MYO1E: variants seen among roughly 807,000 people sequenced by gnomAD.
The protein encoded by MYO1E is myosin IE.
MYO1E carries 68 observed loss-of-function variants against 151.1 expected under a neutral mutation model. That is an observed-to-expected ratio of 0.45 (90% CI 0.37 to 0.55). MYO1E has a LOEUF of 0.55. Among genes scored for constraint, MYO1E ranks in the 20% least tolerant of loss-of-function variants. The probability of loss-of-function intolerance (pLI) is 0.00; values close to 1 mark genes in which losing one functional copy is unlikely to be tolerated. For missense variants in MYO1E, 1,363 were observed against 1,389.3 expected (o/e 0.98, Z 0.30); for synonymous variants, 601 against 501.7 (o/e 1.20, Z -2.64).
chr15:59,195,645 C>T, intron 16 of MYO1E, 78 bp from the exon 17 acceptor site: 2 of 1,288,456 alleles, frequency 1.6e-6, no homozygotes, highest in South Asian at 2.4e-5. Flanking sequence ...TTGTAAAACT[C>T]TCTTGTAGAA....
At chr15:59,217,245 T>C (rs1424611566) in intron 10 of MYO1E, among the ~76,000 whole-genome samples, 2 of 152,170 alleles carry the variant, frequency 1.3e-5, no homozygotes, top group East Asian at 3.8e-4. Flanking sequence ...AACATAGAAA[T>C]ATGTGAAAAA....
intron 5 of MYO1E, among the ~76,000 whole-genome samples, chr15:59,236,350 A>AAC (rs2080063365): frequency 1.4e-4 from 1 of 7,270 alleles, no homozygotes. Context: ...TGTCTCAAAA[A>AAC]AGAAAAAAAA....
chr15:59,258,373 A>G (rs772143073), intron 3 of MYO1E, among the ~76,000 whole-genome samples: 3 of 152,170 alleles, frequency 2.0e-5, no homozygotes, highest in Non-Finnish European at 4.4e-5. Context: ...AAAAAAATAT[A>G]TATCTAGAAA....
chr15:59,292,057 T>C (rs1000802818), intron 1 of MYO1E, among the ~76,000 whole-genome samples: 1 of 152,250 alleles, frequency 6.6e-6, no homozygotes, highest in Non-Finnish European at 1.5e-5. Context: ...CCCAACACTC[T>C]CTAGATTTAA....
rs530337691 is a variant in MYO1E, at chr15:59,241,481, C to A, written c.333-4809G>T. 2.0e-5 allele frequency among the ~76,000 whole-genome samples: 3 copies of A among 152,302 alleles called. No individual in the cohort carries two copies. In the East Asian group the frequency reaches 5.8e-4, roughly 29 times the overall value. On this transcript the variant is annotated intron_variant, in intron 4 of 27. Transcript: ENST00000288235. Reference sequence around the variant, plus strand: ...CCAAGGCGGGTGGATCACCTTAAGTCAGGAGTTCAAGAGCAGCAAGAGCAG... The same window carrying A: ...CCAAGGCGGGTGGATCACCTTAAGTAAGGAGTTCAAGAGCAGCAAGAGCAG...
intron 26 of MYO1E, among the ~76,000 whole-genome samples, chr15:59,151,819 G>A (rs7181295): frequency 0.3 from 45,805 of 151,856 alleles, 6,952 homozygotes; most frequent in East Asian, 0.42. Context: ...AGGCCAAGGC[G>A]GGTGGATCAC....
At chr15:59,296,831 A>G (rs1373612394) in intron 1 of MYO1E, among the ~76,000 whole-genome samples, 1 of 144,712 alleles carries the variant, frequency 6.9e-6, no homozygotes, top group Non-Finnish European at 1.5e-5. Context: ...GAATTCACAT[A>G]CTTTTTTCTT....
intron 26 of MYO1E, among the ~76,000 whole-genome samples, chr15:59,151,935 G>C (rs1475492295): frequency 6.6e-6 from 1 of 151,450 alleles, no homozygotes; most frequent in Non-Finnish European, 1.5e-5. Flanking sequence ...GGGCATGGTG[G>C]CAGGCGCCTG....
intron 1 of MYO1E, among the ~76,000 whole-genome samples, chr15:59,290,522 T>C (rs1287130964): frequency 1.3e-5 from 2 of 152,178 alleles, no homozygotes; most frequent in African/African-American, 4.8e-5. Flanking sequence ...CTTGAAAGCA[T>C]GCCTCGTAGC....
intron 5 of MYO1E, among the ~76,000 whole-genome samples, chr15:59,234,302 A>G (rs1282689810): frequency 6.6e-6 from 1 of 152,142 alleles, no homozygotes; most frequent in Non-Finnish European, 1.5e-5. Context: ...GGATGGATGG[A>G]TCCATAAATA....
chr15:59,186,973 A>C (rs1260257655), intron 18 of MYO1E, among the ~76,000 whole-genome samples: 1 of 152,252 alleles, frequency 6.6e-6, no homozygotes, highest in Non-Finnish European at 1.5e-5. Context: ...GGGATATATA[A>C]AAATAAGTTT....
At position 59,141,597 on chromosome 15, in the gene MYO1E, G is replaced by A. The variant is rs908726969; in HGVS notation, c.3081-3230C>T. On this transcript the variant is annotated intron_variant, in intron 26 of 27. Transcript: ENST00000288235. The stretch of plus-strand genomic sequence containing the variant: ...GTGGATCACCTGAAGTCAGGAGTTC[G>A]AGACCAGCCTGGCCAACATGGCGAA... Among the ~76,000 whole-genome samples, 6 of 152,080 alleles carry A rather than the reference G, an allele frequency of 3.9e-5. No individual in the cohort carries two copies. In the South Asian group the frequency reaches 8.3e-4, roughly 21 times the overall value.
chr15:59,143,782 G>A (rs1265120154), intron 26 of MYO1E, among the ~76,000 whole-genome samples: 2 of 152,340 alleles, frequency 1.3e-5, no homozygotes, highest in Admixed American at 6.5e-5. Context: ...GCAGCCACAT[G>A]GAATCTTTCT....
At chr15:59,228,780 G>A (rs1257171679) in intron 6 of MYO1E, among the ~76,000 whole-genome samples, 1 of 152,168 alleles carries the variant, frequency 6.6e-6, no homozygotes, top group Non-Finnish European at 1.5e-5. Flanking sequence ...TTTTATGTCT[G>A]TGACTGGAGC....
In MYO1E at chr15:59,297,132, G is replaced by A. The variant is rs112774720; in HGVS notation, c.4-24683C>T. On this transcript the variant is annotated intron_variant, in intron 1 of 27. Transcript: ENST00000288235. ...CTCCCAAAGTGTTGGGATTACGGGC[G>A]CGAGCCACCGCACCCGGCCAGGAAA... Among the ~76,000 whole-genome samples, 1,407 of 150,554 alleles carry A rather than the reference G, an allele frequency of 9.3e-3. 18 individuals are homozygous for A. Among genetic ancestry groups the A allele is most frequent in the Non-Finnish European group, 0.011 (721 of 67,604 alleles).
intron 1 of MYO1E, among the ~76,000 whole-genome samples, chr15:59,308,371 A>C (rs532569284): frequency 7.9e-5 from 12 of 151,642 alleles, no homozygotes; most frequent in African/African-American, 2.7e-4. Flanking sequence ...CCTCATCTCT[A>C]CTAAAAATAC....
At chr15:59,165,001 G>C (rs2079556103) in intron 22 of MYO1E, among the ~76,000 whole-genome samples, 1 of 152,182 alleles carries the variant, frequency 6.6e-6, no homozygotes, top group Non-Finnish European at 1.5e-5. Flanking sequence ...ATTCTCCCAT[G>C]TGAGGACACA....
At chr15:59,294,584 A>G (rs886807289) in intron 1 of MYO1E, among the ~76,000 whole-genome samples, 13 of 152,178 alleles carry the variant, frequency 8.5e-5, no homozygotes, top group Non-Finnish European at 1.5e-4. Context: ...TCAATTGTCA[A>G]TGGCAGCCAC....
rs185350608 is a variant in MYO1E at position 59,154,003 on chromosome 15, G to C, written c.2879-212C>G. ...TTCCCCATCACCGGGCTTTACTGAG[G>C]TATAACTGACAAATAAAATTGTATG... On this transcript the variant is annotated intron_variant, in intron 25 of 27. Transcript: ENST00000288235. Among the ~76,000 whole-genome samples the C allele has an allele frequency of 3.7e-3, 569 of 152,248 alleles. 3 individuals are homozygous for C. Among genetic ancestry groups the C allele is most frequent in the African/African-American group, 0.013 (547 of 41,534 alleles).
Sources: allele counts gnomAD v4.1 joint callset (sites outside exome capture counted in the v4.1 genomes callset), GRCh38; gene constraint gnomAD v4.1.1; transcripts MANE v1.5; gene names NCBI Gene and HGNC (gene_info 2026-07-23, HGNC 2026-07-21).